The following NHSL2 variants were observed in gnomAD, a reference collection of about 807,000 sequenced individuals.
NHSL2 encodes NHS like 2, also known as NHS-like protein 2.
NHSL2 carries 27 observed loss-of-function variants against 53.4 expected under a neutral mutation model. The ratio of observed to expected loss-of-function variants is 0.51; its 90% CI spans 0.37 to 0.70. The LOEUF (loss-of-function observed/expected upper bound fraction) is 0.70. Ranked by LOEUF, NHSL2 falls within the 30% of genes least tolerant of loss-of-function variation. The probability of loss-of-function intolerance (pLI) is 0.00; values close to 1 mark genes in which losing one functional copy is unlikely to be tolerated. For synonymous variants in NHSL2, 408 were observed against 404.1 expected, an observed-to-expected ratio of 1.01 and a Z score of -0.12; for missense variants, 892 against 980.1, an observed-to-expected ratio of 0.91 and a Z score of 1.20.
intron 1 of NHSL2, among the ~76,000 whole-genome samples, chrX:72,001,050 G>A (rs925981364): frequency 1.8e-5 from 2 of 111,740 alleles, no homozygotes; most frequent in African/African-American, 6.5e-5. Context: ...CCTGACACCT[G>A]CATTGCCACA....
intron 1 of NHSL2, among the ~76,000 whole-genome samples, chrX:71,923,106 C>CT (rs1488888856): frequency 9.0e-6 from 1 of 111,426 alleles, no homozygotes; most frequent in East Asian, 2.8e-4. Context: ...AGAAGGTTCT[C>CT]TTTGTCCTAT....
rs528722625 is a variant in NHSL2 at position 72,061,339 on chromosome X, T to C, written c.281-70740T>C. Among the ~76,000 whole-genome samples the C allele has an allele frequency of 1.5e-4, 17 of 112,746 alleles. No individual in the cohort carries two copies. The South Asian group carries it at 6.2e-3, about 41-fold the overall frequency. The stretch of plus-strand genomic sequence containing the variant: ...AAGCCAGGCAGACCTGGGTGAATCC[T>C]GCTTTCATCACTTACAAGCTGTGTG... On this transcript the variant is annotated intron_variant, in intron 1 of 7. Transcript: ENST00000633930.
At chrX:72,114,394 A>G (rs1450364172) in intron 1 of NHSL2, among the ~76,000 whole-genome samples, 1 of 111,746 alleles carries the variant, frequency 8.9e-6, no homozygotes, top group Non-Finnish European at 1.9e-5. Flanking sequence ...ACGAGAGAGC[A>G]TATGTCAATG....
chrX:72,062,025 T>C (rs1470638813), intron 1 of NHSL2, among the ~76,000 whole-genome samples: 1 of 112,736 alleles, frequency 8.9e-6, no homozygotes, highest in East Asian at 2.8e-4. Flanking sequence ...GTAAACTCTT[T>C]ACATCTGCCT....
intron 1 of NHSL2, among the ~76,000 whole-genome samples, chrX:72,095,476 A>G (rs917095525): frequency 2.7e-5 from 3 of 112,193 alleles, no homozygotes; most frequent in Non-Finnish European, 5.6e-5. Context: ...TGTTTGTCAG[A>G]CCAAGAATTC....
intron 1 of NHSL2, among the ~76,000 whole-genome samples, chrX:72,061,554 T>A (rs952182913): frequency 3.6e-5 from 4 of 112,171 alleles, no homozygotes; most frequent in Non-Finnish European, 7.5e-5. Context: ...ACTACTACGA[T>A]AGCCTCCTGC....
chrX:72,068,961 A>G (rs781237498), intron 1 of NHSL2, among the ~76,000 whole-genome samples: 1 of 112,296 alleles, frequency 8.9e-6, no homozygotes, highest in Non-Finnish European at 1.9e-5. Flanking sequence ...GCTCTGCCCA[A>G]ATTTTCCCAG....
chrX:71,981,179 A>T (rs956160953), intron 1 of NHSL2, among the ~76,000 whole-genome samples: 11 of 112,524 alleles, frequency 9.8e-5, no homozygotes, highest in African/African-American at 3.6e-4. Flanking sequence ...ATTGAACTTT[A>T]TGAAAAGTAA....
At chrX:72,114,055 C>T (rs775208859) in intron 1 of NHSL2, among the ~76,000 whole-genome samples, 4 of 111,989 alleles carry the variant, frequency 3.6e-5, no homozygotes, top group Non-Finnish European at 7.5e-5. Flanking sequence ...TTGAAGTAAA[C>T]CACAAAACAA....
Position 72,070,328 on chromosome X carries a change from G to A in NHSL2, c.281-61751G>A, listed in dbSNP as rs554790041. 7.2e-5 allele frequency among the ~76,000 whole-genome samples: 8 copies of A among 110,591 alleles called. No homozygotes were observed. The South Asian group carries it at 3.1e-3, about 43-fold the overall frequency. Reference sequence around the variant, plus strand: ...CTGACAGAGCTCTCCTCATGCATGGGCGAGAAGAGCATTTGCCGGCCTTGA... The same window carrying A: ...CTGACAGAGCTCTCCTCATGCATGGACGAGAAGAGCATTTGCCGGCCTTGA... On this transcript the variant is annotated intron_variant, in intron 1 of 7. Coordinates refer to ENST00000633930, the MANE Select transcript of NHSL2 (RefSeq NM_001013627.3).
chrX:72,094,243 G>A (rs969522216), intron 1 of NHSL2, among the ~76,000 whole-genome samples: 2 of 112,031 alleles, frequency 1.8e-5, no homozygotes, highest in Non-Finnish European at 3.8e-5. Context: ...GAGAAACTCT[G>A]AGACAGGTGA....
intron 1 of NHSL2, among the ~76,000 whole-genome samples, chrX:71,959,025 G>GA (rs755400766): frequency 7.2e-5 from 8 of 111,852 alleles, no homozygotes; most frequent in African/African-American, 9.7e-5. Context: ...GAACAAAGGA[G>GA]AAAAAAGGGG....
At chrX:71,921,453 G>C (rs918089589) in intron 1 of NHSL2, among the ~76,000 whole-genome samples, 1 of 108,121 alleles carries the variant, frequency 9.2e-6, no homozygotes, top group African/African-American at 3.4e-5. Flanking sequence ...AGAGAACATA[G>C]GAAATTAGAA....
intron 1 of NHSL2, among the ~76,000 whole-genome samples, chrX:72,046,971 C>G (rs1278746882): frequency 8.9e-6 from 1 of 111,977 alleles, no homozygotes; most frequent in Non-Finnish European, 1.9e-5. Context: ...TAAGTGACAT[C>G]TCCAAAGTCA....
At chrX:71,960,261 T>C (rs2041861949) in intron 1 of NHSL2, among the ~76,000 whole-genome samples, 1 of 112,405 alleles carries the variant, frequency 8.9e-6, no homozygotes, top group Non-Finnish European at 1.9e-5. Context: ...TTCTGGATAC[T>C]AGGCCCTTAT....
chrX:72,019,341 T>C (rs1246788710), intron 1 of NHSL2, among the ~76,000 whole-genome samples: 3 of 111,906 alleles, frequency 2.7e-5, no homozygotes, highest in African/African-American at 9.8e-5. Context: ...GCACTCACGG[T>C]GAAGGGAAGA....
intron 1 of NHSL2, among the ~76,000 whole-genome samples, chrX:72,078,156 G>T (rs141132063): frequency 0.016 from 1,839 of 112,829 alleles, 35 homozygotes; most frequent in African/African-American, 0.057. Flanking sequence ...TAAATGGTGA[G>T]GCTGGGATTT....
intron 1 of NHSL2, among the ~76,000 whole-genome samples, chrX:72,060,602 G>A (rs2042394231): frequency 8.9e-6 from 1 of 112,447 alleles, no homozygotes; most frequent in African/African-American, 3.2e-5. Flanking sequence ...ATCTGACAAC[G>A]GGAAATACTT....
chrX:71,995,121 C>T (rs180712628), intron 1 of NHSL2, among the ~76,000 whole-genome samples: 123 of 112,226 alleles, frequency 1.1e-3, no homozygotes, highest in Non-Finnish European at 1.4e-3. Context: ...TCATACTCCA[C>T]ATCCACTCCA....
Sources: allele counts gnomAD v4.1 joint callset (sites outside exome capture counted in the v4.1 genomes callset), GRCh38; gene constraint gnomAD v4.1.1; transcripts MANE v1.5; gene names NCBI Gene and HGNC (gene_info 2026-07-23, HGNC 2026-07-21).